GPC5: variants seen among roughly 807,000 people sequenced by gnomAD.
The protein encoded by GPC5 is glypican 5.
Under a neutral mutation model 53.9 loss-of-function variants are expected in GPC5, and 47 were observed. The ratio of observed to expected loss-of-function variants is 0.87; its 90% CI spans 0.69 to 1.11. GPC5 has a LOEUF of 1.11. Ranked by LOEUF, GPC5 falls within the 50% of genes most tolerant of loss-of-function variation. The pLI, the probability that GPC5 is intolerant of heterozygous loss-of-function variation, is 0.00. For missense variants in GPC5, 748 were observed against 713.1 expected, an observed-to-expected ratio of 1.05 and a Z score of -0.56; for synonymous variants, 286 against 263.3, an observed-to-expected ratio of 1.09 and a Z score of -0.84.
chr13:92,352,623 A>G (rs1425834815), intron 7 of GPC5, among the ~76,000 whole-genome samples: 2 of 152,198 alleles, frequency 1.3e-5, no homozygotes, highest in Admixed American at 1.3e-4. Flanking sequence ...ATTACTGATC[A>G]TGAAGATTCC....
At chr13:92,275,572 G>A (rs2042869619) in intron 7 of GPC5, among the ~76,000 whole-genome samples, 1 of 148,118 alleles carries the variant, frequency 6.8e-6, no homozygotes, top group Non-Finnish European at 1.5e-5. Flanking sequence ...ATTACATTCT[G>A]TTTTATTTGT....
chr13:92,471,997 G>T (rs1000812875), intron 7 of GPC5, among the ~76,000 whole-genome samples: 1 of 152,052 alleles, frequency 6.6e-6, no homozygotes, highest in African/African-American at 2.4e-5. Flanking sequence ...TTAGATTCCA[G>T]GTAATTTGGA....
At chr13:91,639,145 C>A (rs902918692) in intron 2 of GPC5, among the ~76,000 whole-genome samples, 1 of 152,038 alleles carries the variant, frequency 6.6e-6, no homozygotes, top group Non-Finnish European at 1.5e-5. Flanking sequence ...TGATTCTTCC[C>A]CAGCACAGGT....
intron 5 of GPC5, among the ~76,000 whole-genome samples, chr13:91,862,174 A>G (rs2039037108): frequency 1.3e-5 from 2 of 152,128 alleles, no homozygotes; most frequent in South Asian, 2.1e-4. Context: ...TTCCCTTCAG[A>G]CTAAAAAATT....
At chr13:92,395,449 A>G (rs1211159393) in intron 7 of GPC5, among the ~76,000 whole-genome samples, 6 of 152,060 alleles carry the variant, frequency 3.9e-5, no homozygotes, top group African/African-American at 1.4e-4. Flanking sequence ...TCCCTATGCT[A>G]TAGTTACCCA....
intron 7 of GPC5, among the ~76,000 whole-genome samples, chr13:92,765,242 T>C (rs1238957581): frequency 2.0e-5 from 3 of 152,170 alleles, no homozygotes; most frequent in Non-Finnish European, 4.4e-5. Context: ...AGATGCATGT[T>C]GCATACAGCC....
At chr13:92,291,563 T>A (rs536547669) in intron 7 of GPC5, among the ~76,000 whole-genome samples, 1 of 152,206 alleles carries the variant, frequency 6.6e-6, no homozygotes, top group African/African-American at 2.4e-5. Flanking sequence ...TGGCTCTCTG[T>A]AAAATGGACC....
chr13:92,125,923 GGTTTTTTTTTTTT>G lies in GPC5; in HGVS notation c.1402-18906_1402-18894del, dbSNP rs1766333053. On this transcript the variant is annotated intron_variant, in intron 6 of 7. Coordinates refer to ENST00000377067, the MANE Select transcript of GPC5 (RefSeq NM_004466.6). ...ATTAGAAAGGAAACATTTGTTTTTT[GGTTTTTTTTTTTT>G]TTTTTTTTTTTTTTTTTTTTTTTTT... Among the ~76,000 whole-genome samples, 3 of 41,552 alleles carry G rather than the reference GGTTTTTTTTTTTT, an allele frequency of 7.2e-5. 1 individual carries two copies. Among genetic ancestry groups the G allele is most frequent in the African/African-American group, 1.5e-4 (2 of 13,624 alleles). 27.3% of individuals were successfully genotyped at this position (41,552 alleles called of 152,430 possible).
intron 1 of GPC5, among the ~76,000 whole-genome samples, chr13:91,432,205 G>GCTGCTGTGTGTGTA (rs140790450): frequency 8.4e-6 from 1 of 119,558 alleles, no homozygotes; most frequent in African/African-American, 3.4e-5. Flanking sequence ...TGCTGCTGCT[G>GCTGCTGTGTGTGTA]TGTGTGTGTG....
chr13:92,243,280 A>C (rs2042626954), intron 7 of GPC5, among the ~76,000 whole-genome samples: 1 of 152,166 alleles, frequency 6.6e-6, no homozygotes, highest in Non-Finnish European at 1.5e-5. Flanking sequence ...TTTATGGCTT[A>C]ATATTTGTCA....
At chr13:92,270,765 C>T (rs1363563631) in intron 7 of GPC5, among the ~76,000 whole-genome samples, 2 of 152,122 alleles carry the variant, frequency 1.3e-5, no homozygotes, top group African/African-American at 4.8e-5. Context: ...ATTCTGAAAT[C>T]AGTTCATTTA....
intron 7 of GPC5, among the ~76,000 whole-genome samples, chr13:92,340,159 G>A (rs1022183304): frequency 6.6e-6 from 1 of 152,026 alleles, no homozygotes; most frequent in Non-Finnish European, 1.5e-5. Context: ...ACACAATCAG[G>A]AAATAGTTAC....
intron 7 of GPC5, among the ~76,000 whole-genome samples, chr13:92,660,574 T>G (rs1886305486): frequency 1.3e-5 from 2 of 152,242 alleles, no homozygotes; most frequent in Admixed American, 1.3e-4. Context: ...TCACATATTT[T>G]TTTTTGTCTC....
At chr13:92,243,785 T>A (rs2042630964) in intron 7 of GPC5, among the ~76,000 whole-genome samples, 1 of 152,172 alleles carries the variant, frequency 6.6e-6, no homozygotes, top group Admixed American at 6.6e-5. Flanking sequence ...GGGTTGTCTA[T>A]AGATACTTTT....
intron 2 of GPC5, among the ~76,000 whole-genome samples, chr13:91,628,299 T>G (rs2034063126): frequency 6.6e-6 from 1 of 152,116 alleles, no homozygotes; most frequent in Non-Finnish European, 1.5e-5. Flanking sequence ...TTATAATAAT[T>G]ACTATTACTG....
chr13:91,770,843 T>G (rs1451849077), intron 5 of GPC5, among the ~76,000 whole-genome samples: 1 of 152,030 alleles, frequency 6.6e-6, no homozygotes, highest in Non-Finnish European at 1.5e-5. Context: ...AACAAACATC[T>G]TATTTCAAAT....
At chr13:92,762,825 C>G (rs145051204) in intron 7 of GPC5, among the ~76,000 whole-genome samples, 2 of 151,628 alleles carry the variant, frequency 1.3e-5, no homozygotes, top group African/African-American at 4.8e-5. Context: ...GTTAGAGATT[C>G]TTTCTTCTTT....
chr13:92,767,032 G>C (rs1174786257), intron 7 of GPC5, among the ~76,000 whole-genome samples: 2 of 152,148 alleles, frequency 1.3e-5, no homozygotes, highest in Non-Finnish European at 2.9e-5. Flanking sequence ...ATCTATTGTG[G>C]GTCTCGTGCA....
At chr13:91,469,896 TG>T (rs1237000196) in intron 2 of GPC5, among the ~76,000 whole-genome samples, 1 of 152,048 alleles carries the variant, frequency 6.6e-6, no homozygotes, top group African/African-American at 2.4e-5. Context: ...AAAAATTAGC[TG>T]GGCAGGGTGG....
Sources: allele counts gnomAD v4.1 joint callset (sites outside exome capture counted in the v4.1 genomes callset), GRCh38; gene constraint gnomAD v4.1.1; transcripts MANE v1.5; gene names NCBI Gene and HGNC (gene_info 2026-07-23, HGNC 2026-07-21).